The following CDH3 variants were observed in gnomAD, a reference collection of about 807,000 sequenced individuals.
CDH3 encodes the protein cadherin-3.
CDH3 carries 54 observed loss-of-function variants against 82.0 expected under a neutral mutation model. The ratio of observed to expected loss-of-function variants is 0.66; its 90% confidence interval spans 0.53 to 0.83. The LOEUF (loss-of-function observed/expected upper bound fraction) is 0.83, where lower values mean the gene tolerates loss of function less well. CDH3 is among the 40% of genes least tolerant of loss of function. The probability of loss-of-function intolerance (pLI) is 0.00; values close to 1 mark genes in which losing one functional copy is unlikely to be tolerated. For missense variants in CDH3, 1,054 were observed against 1,084.6 expected (o/e 0.97, Z 0.40); for synonymous variants, 446 against 437.9 (o/e 1.02, Z -0.23).
chr16:68,706,672 C>A (rs1253432308), intron 1 of CDH3, among the ~76,000 whole-genome samples: 1 of 151,022 alleles, frequency 6.6e-6, no homozygotes, highest in Non-Finnish European at 1.5e-5. Context: ...CGTGCCTCAG[C>A]CTCCTGAGTA....
chr16:68,650,800 A>G (rs1960219925), intron 2 of CDH3, among the ~76,000 whole-genome samples: 1 of 152,080 alleles, frequency 6.6e-6, no homozygotes, highest in East Asian at 1.9e-4. Context: ...ATGCTTCGGG[A>G]TACAGCCTTA....
At chr16:68,675,401 G>A (rs1183446565) in intron 2 of CDH3, among the ~76,000 whole-genome samples, 11 of 152,172 alleles carry the variant, frequency 7.2e-5, no homozygotes, top group Non-Finnish European at 1.5e-4. Flanking sequence ...GATTTCTTGC[G>A]TTGGCCATAA....
intron 2 of CDH3, among the ~76,000 whole-genome samples, chr16:68,661,751 C>T (rs144655601): frequency 1.5e-4 from 23 of 152,286 alleles, no homozygotes; most frequent in South Asian, 4.1e-4. Context: ...TTCAATGGCG[C>T]GATCTCAGCT....
chr16:68,731,049 T>TAA (rs1962280220), downstream of CDH3, among the ~76,000 whole-genome samples: 1 of 17,920 alleles, frequency 5.6e-5, no homozygotes, highest in Non-Finnish European at 1.2e-4. Flanking sequence ...AAAAAAAAAA[T>TAA]ATATATATAT....
chr16:68,661,782 G>A (rs769451873), intron 2 of CDH3, among the ~76,000 whole-genome samples: 29 of 152,202 alleles, frequency 1.9e-4, no homozygotes, highest in African/African-American at 5.5e-4. Flanking sequence ...TCCGCCTCCC[G>A]GGTTCAAGCT....
chr16:68,665,924 C>G lies in CDH3; in HGVS notation c.161-10461C>G, dbSNP rs562068353. On this transcript the variant is annotated intron_variant, in intron 2 of 15. Transcript: ENST00000264012. ...TTCTAGTCGGGGGAAAAACTCACAT[C>G]AAATTCTGATTGAAAATCAAATACA... Among the ~76,000 whole-genome samples, 5 of 152,260 alleles carry G rather than the reference C, an allele frequency of 3.3e-5. No individual in the cohort carries two copies. The South Asian group carries it at 1.0e-3, about 32-fold the overall frequency.
chr16:68,653,312 C>A (rs1296143669), intron 2 of CDH3, among the ~76,000 whole-genome samples: 1 of 152,030 alleles, frequency 6.6e-6, no homozygotes, highest in Admixed American at 6.6e-5. Context: ...TCTTGGCTCA[C>A]CGCAACCTCC....
At chr16:68,651,927 G>T in intron 2 of CDH3, 1 of 375,596 alleles carries the variant, frequency 2.7e-6, no homozygotes. Context: ...CCAGTATGAG[G>T]GGCCCTTGTT....
intron 8 of CDH3, among the ~76,000 whole-genome samples, chr16:68,682,044 C>G (rs566977785): frequency 6.6e-6 from 1 of 152,154 alleles, no homozygotes; most frequent in South Asian, 2.1e-4. Context: ...CATGCAAACC[C>G]GTGAGATTTC....
rs138829996 is a variant in CDH3 at position 68,678,232 on chromosome 16, T to C, written c.345T>C (p.Ser115=). 241 of 1,614,170 alleles carry C rather than the reference T, an allele frequency of 1.5e-4. No individual in the cohort carries two copies. In the African/African-American group the frequency reaches 3.0e-3, roughly 20 times the overall value. ...HKRDWVVAPI[S]VPENGKGPFP... Reference sequence around the variant, plus strand: ...GAGATTGGGTGGTTGCTCCAATATCTGTCCCTGAAAATGGCAAGGGTCCCT... The same window carrying C: ...GAGATTGGGTGGTTGCTCCAATATCCGTCCCTGAAAATGGCAAGGGTCCCT... The change falls in exon 4 of 16, where the codon TCT becomes TCC. Residue 115 remains serine (S), a synonymous_variant. Transcript: ENST00000264012.
At chr16:68,662,089 T>C (rs909960224) in intron 2 of CDH3, among the ~76,000 whole-genome samples, 6 of 152,164 alleles carry the variant, frequency 3.9e-5, no homozygotes, top group African/African-American at 1.4e-4. Flanking sequence ...TGATCTAGTT[T>C]GGGAGGGTTG....
chr16:68,669,366 G>T (rs1960823631), intron 2 of CDH3, among the ~76,000 whole-genome samples: 1 of 152,156 alleles, frequency 6.6e-6, no homozygotes, highest in Non-Finnish European at 1.5e-5. Context: ...CTCCTCAGAT[G>T]TATCTGGAAT....
chr16:68,692,469 G>C (rs111571524), intron 13 of CDH3, among the ~76,000 whole-genome samples: 23 of 152,298 alleles, frequency 1.5e-4, no homozygotes, highest in African/African-American at 5.5e-4. Context: ...CATCTGGAGG[G>C]GCCCGCACAG....
chr16:68,703,838 T>C (rs1271460649), downstream of CDH3, among the ~76,000 whole-genome samples: 2 of 152,066 alleles, frequency 1.3e-5, no homozygotes, highest in Non-Finnish European at 1.5e-5. Flanking sequence ...TCCCAGCTAC[T>C]TGGGAGGCTG....
rs1001557689 is a variant in CDH3 at position 68,695,736 on chromosome 16, C to T, written c.2134-41C>T. 1.2e-5 allele frequency: 19 copies of T among 1,610,808 alleles called. No homozygotes were observed. The Admixed American group carries it at 1.8e-4, about 16-fold the overall frequency. ...ATGTAAGTGGCAGGGGAGTGGGGGA[C>T]AGGAGTCCTCAGTCACCTGCTCTCC... On this transcript the variant is annotated intron_variant, in intron 14 of 15. Transcript: ENST00000264012.
At chr16:68,687,240 C>T (rs1050039238) in intron 11 of CDH3, among the ~76,000 whole-genome samples, 5 of 152,174 alleles carry the variant, frequency 3.3e-5, no homozygotes, top group Admixed American at 1.3e-4. Context: ...GATCGACAAA[C>T]ACTGGAGTAA....
chr16:68,731,377 A>ATATATAT (rs1270860351), downstream of CDH3, among the ~76,000 whole-genome samples: 1 of 9,138 alleles, frequency 1.1e-4, no homozygotes, highest in Middle Eastern at 0.042. Context: ...TCAAAAAAAA[A>ATATATAT]AAAAAAAAAA....
intron 2 of CDH3, among the ~76,000 whole-genome samples, chr16:68,671,521 CTTTTTTTTTTTT>C (rs34475405): frequency 0.013 from 1,540 of 122,020 alleles, 29 homozygotes; most frequent in African/African-American, 0.044. Flanking sequence ...TTCATTTTAC[CTTTTTTTTTTTT>C]TTTTTTTGAG....
the CDH3 span, among the ~76,000 whole-genome samples, chr16:68,732,600 C>A: frequency 1.3e-5 from 2 of 152,196 alleles, no homozygotes; most frequent in South Asian, 2.1e-4. Context: ...CCCAGTGATG[C>A]CTGAAATTCC....
Sources: gnomAD v4.1 joint callset for allele counts (sites outside exome capture counted in the v4.1 genomes callset) on GRCh38, gnomAD v4.1.1 for gene constraint, MANE v1.5 for transcripts, NCBI Gene and HGNC (gene_info 2026-07-23, HGNC 2026-07-21) for gene names.